ARID1B: variants seen among roughly 807,000 people sequenced by gnomAD.
ARID1B encodes the protein AT-rich interactive domain-containing protein 1B.
In ARID1B, 30 loss-of-function variants were observed where a neutral mutation model predicts 212.3. The observed-to-expected ratio is 0.14, with a 90% confidence interval of 0.11 to 0.19. The LOEUF (loss-of-function observed/expected upper bound fraction) is 0.19, where lower values mean the gene tolerates loss of function less well. Among genes scored for constraint, ARID1B ranks in the 10% least tolerant of loss-of-function variants. ARID1B has a pLI of 1.00. For synonymous variants in ARID1B, 1,402 were observed against 1,301.7 expected, an observed-to-expected ratio of 1.08 and a Z score of -1.66; for missense variants, 2,891 against 3,204.0, an observed-to-expected ratio of 0.90 and a Z score of 2.36.
At chr6:156,959,157 G>A (rs893719619) in intron 4 of ARID1B, among the ~76,000 whole-genome samples, 6 of 152,176 alleles carry the variant, frequency 3.9e-5, no homozygotes, top group Admixed American at 2.0e-4. Flanking sequence ...ATGGTTGAGC[G>A]TAGTATCATT....
intron 6 of ARID1B, among the ~76,000 whole-genome samples, chr6:157,125,177 T>TA (rs1788054149): frequency 6.6e-6 from 1 of 152,152 alleles, no homozygotes; most frequent in African/African-American, 2.4e-5. Context: ...TGAACACAGA[T>TA]ATCTGCGAGA....
At chr6:156,917,355 A>G (rs959745810) in intron 3 of ARID1B, among the ~76,000 whole-genome samples, 1 of 152,172 alleles carries the variant, frequency 6.6e-6, no homozygotes, top group African/African-American at 2.4e-5. Flanking sequence ...TGGGCTTGGG[A>G]CTGTTTTGCA....
At chr6:157,106,333 T>TA (rs1030042566) in intron 5 of ARID1B, among the ~76,000 whole-genome samples, 14 of 152,188 alleles carry the variant, frequency 9.2e-5, no homozygotes, top group African/African-American at 3.1e-4. Flanking sequence ...GCTCAGGACT[T>TA]ACAAGGCTGC....
chr6:156,895,425 T>A (rs987690023), intron 2 of ARID1B, among the ~76,000 whole-genome samples: 3 of 152,162 alleles, frequency 2.0e-5, no homozygotes, highest in Non-Finnish European at 2.9e-5. Flanking sequence ...TCAGAAGAGC[T>A]ATGGCCTGGA....
chr6:157,188,773 A>G (rs1348644595), intron 13 of ARID1B, among the ~76,000 whole-genome samples: 5 of 152,242 alleles, frequency 3.3e-5, no homozygotes, highest in African/African-American at 1.2e-4. Flanking sequence ...TAATTCACAC[A>G]TGAAACCAGT....
At chr6:157,163,569 C>A (rs1276930989) in intron 8 of ARID1B, among the ~76,000 whole-genome samples, 1 of 152,202 alleles carries the variant, frequency 6.6e-6, no homozygotes, top group Non-Finnish European at 1.5e-5. Flanking sequence ...GACAGGCACC[C>A]ACTGCTCTGC....
intron 4 of ARID1B, among the ~76,000 whole-genome samples, chr6:156,972,794 TAACA>T (rs367636395): frequency 1.4e-4 from 22 of 152,360 alleles, no homozygotes; most frequent in African/African-American, 4.6e-4. Context: ...AGCCATGTGC[TAACA>T]AACCAACCAC....
At chr6:156,780,052 C>T (rs1334358142) in intron 1 of ARID1B, among the ~76,000 whole-genome samples, 1 of 152,146 alleles carries the variant, frequency 6.6e-6, no homozygotes, top group African/African-American at 2.4e-5. Flanking sequence ...CATTCAGAGA[C>T]ACTCGGTGCG....
In ARID1B at chr6:157,066,840, G is replaced by A. The variant is rs74628576; in HGVS notation, c.2248-17822G>A. Among the ~76,000 whole-genome samples the A allele has an allele frequency of 2.6e-3, 398 of 152,296 alleles. 4 individuals are homozygous for A. Among genetic ancestry groups the A allele is most frequent in the African/African-American group, 8.7e-3 (361 of 41,576 alleles). ...GTGAACCTCCTGGAAAACACTGATA[G>A]AGTACAGTTTTTTAAAATTTCTTTC... On this transcript the variant is annotated intron_variant, in intron 4 of 19. Coordinates refer to ENST00000636930, the MANE Select transcript of ARID1B (RefSeq NM_001374828.1).
intron 2 of ARID1B, chr6:156,871,600 T>C: frequency 1.2e-6 from 2 of 1,610,468 alleles, no homozygotes; most frequent in Non-Finnish European, 1.7e-6. Flanking sequence ...ATTACTGTTT[T>C]ATCCTACTTT....
intron 1 of ARID1B, among the ~76,000 whole-genome samples, chr6:156,820,123 T>A (rs1384136974): frequency 6.6e-6 from 1 of 151,818 alleles, no homozygotes; most frequent in East Asian, 1.9e-4. Context: ...CTGTGCAGAG[T>A]TCTGGGGCTT....
chr6:156,823,588 A>G (rs1005651024), intron 1 of ARID1B, among the ~76,000 whole-genome samples: 10 of 152,152 alleles, frequency 6.6e-5, no homozygotes, highest in African/African-American at 2.2e-4. Flanking sequence ...ATGGTTCAAA[A>G]GAGGGAAGAG....
intron 2 of ARID1B, among the ~76,000 whole-genome samples, chr6:156,887,351 G>T (rs907176272): frequency 2.6e-5 from 4 of 152,098 alleles, no homozygotes; most frequent in African/African-American, 9.7e-5. Flanking sequence ...AGCCAAGTTG[G>T]GTCTTGGACA....
intron 4 of ARID1B, among the ~76,000 whole-genome samples, chr6:157,031,711 C>G (rs1341201071): frequency 6.6e-6 from 1 of 152,162 alleles, no homozygotes; most frequent in East Asian, 1.9e-4. Flanking sequence ...GTCACCCCCT[C>G]CTCTTGTTAT....
chr6:157,118,546 A>G (rs546455347), intron 6 of ARID1B, among the ~76,000 whole-genome samples: 2 of 152,378 alleles, frequency 1.3e-5, no homozygotes, highest in Non-Finnish European at 1.5e-5. Flanking sequence ...GTGAAAGATG[A>G]AAATAAACTC....
chr6:156,859,900 T>C (rs1299430933), intron 2 of ARID1B, among the ~76,000 whole-genome samples: 1 of 152,212 alleles, frequency 6.6e-6, no homozygotes, highest in Non-Finnish European at 1.5e-5. Context: ...AGTTACATAA[T>C]TGTATGCAGC....
rs115072205 is a variant in ARID1B, at chr6:156,863,907, A to G, written c.1986+34486A>G. 3.2e-3 allele frequency among the ~76,000 whole-genome samples: 489 copies of G among 152,278 alleles called. 2 individuals carry two copies. The highest frequency in any genetic ancestry group is 0.011 in the African/African-American group (465 of 41,558). On this transcript the variant is annotated intron_variant, in intron 2 of 19. Transcript: ENST00000636930. ...GCAAAATTGGATGTGTGGAGTGTGG[A>G]GAGGGAAGGAGAGATTCCGTTACTT...
chr6:156,831,531 C>T (rs1783137747), intron 2 of ARID1B, among the ~76,000 whole-genome samples: 1 of 152,194 alleles, frequency 6.6e-6, no homozygotes. Context: ...AAGTGGGAGT[C>T]AAACAAATGG....
chr6:157,118,932 AT>A (rs1297420186), intron 6 of ARID1B, among the ~76,000 whole-genome samples: 10 of 152,210 alleles, frequency 6.6e-5, no homozygotes, highest in African/African-American at 2.4e-4. Flanking sequence ...CTTAATACTT[AT>A]TTGTAATTGG....
Sources: allele counts gnomAD v4.1 joint callset (sites outside exome capture counted in the v4.1 genomes callset), GRCh38; gene constraint gnomAD v4.1.1; transcripts MANE v1.5; gene names NCBI Gene and HGNC (gene_info 2026-07-23, HGNC 2026-07-21).